C12orf76: variants seen among roughly 807,000 people sequenced by gnomAD.
C12orf76 encodes chromosome 12 open reading frame 76.
Under a neutral mutation model 6.8 loss-of-function variants are expected in C12orf76, and 6 were observed. The observed-to-expected ratio is 0.88, with a 90% confidence interval of 0.48 to 1.73. C12orf76 has a LOEUF of 1.73. Among genes scored for constraint, C12orf76 ranks in the 40% most tolerant of loss-of-function variants. The pLI is 0.01. For synonymous variants in C12orf76, 56 were observed against 43.7 expected (o/e 1.28, Z -1.11); for missense variants, 99 against 98.2 (o/e 1.01, Z -0.03).
In C12orf76 at chr12:110,041,724, C is replaced by T. The variant is rs1271558899; in HGVS notation, c.*650G>A. 1.3e-5 allele frequency: 2 copies of T among 152,946 alleles called. No individual in the cohort carries two copies. Among genetic ancestry groups the T allele is most frequent in the Non-Finnish European group, 2.9e-5 (2 of 68,626 alleles). 9.5% of individuals were successfully genotyped at this position (152,946 alleles called of 1,614,324 possible). A position where few individuals can be genotyped will look rare whatever the true frequency, so the allele number is the denominator to read the frequency against. ...GGGGTCCTTTTTGTAACAGGCCAAC[C>T]TAGTAACATTTCCAGTCCAACTTCA... On this transcript the variant is annotated 3_prime_UTR_variant, in exon 2 of 2. Coordinates refer to ENST00000615315, the MANE Select transcript of C12orf76 (RefSeq NM_001389625.1).
intron 2 of C12orf76, among the ~76,000 whole-genome samples, chr12:110,064,470 C>CA (rs1892826424): frequency 6.6e-6 from 1 of 152,206 alleles, no homozygotes; most frequent in African/African-American, 2.4e-5. Flanking sequence ...ATACATGTCA[C>CA]ATGCTAAGAA....
chr12:110,043,029 G>A (rs527574577), intron 1 of C12orf76, among the ~76,000 whole-genome samples: 8 of 151,870 alleles, frequency 5.3e-5, no homozygotes, highest in South Asian at 2.1e-4. Flanking sequence ...ACAGTGAGCC[G>A]AGATTGCGCC....
intron 2 of C12orf76, among the ~76,000 whole-genome samples, chr12:110,059,565 A>G (rs1892734323): frequency 6.6e-6 from 1 of 152,244 alleles, no homozygotes; most frequent in Non-Finnish European, 1.5e-5. Context: ...TAAGGCATTA[A>G]GTCTATACAG....
chr12:110,070,647 G>C (rs1402626830), upstream of C12orf76, among the ~76,000 whole-genome samples: 1 of 152,184 alleles, frequency 6.6e-6, no homozygotes, highest in Non-Finnish European at 1.5e-5. Context: ...CTGCTACATG[G>C]AATTATGACA....
chr12:110,056,072 C>CA (rs112482731), intron 4 of C12orf76, among the ~76,000 whole-genome samples: 4,395 of 81,314 alleles, frequency 0.054, 125 homozygotes, highest in African/African-American at 0.13. Context: ...GACTCTATCT[C>CA]AAAAAAAAAA....
intron 2 of C12orf76, among the ~76,000 whole-genome samples, chr12:110,065,095 C>T (rs915656831): frequency 1.3e-5 from 2 of 151,388 alleles, no homozygotes; most frequent in African/African-American, 4.9e-5. Context: ...GCCTGAGATC[C>T]TTTATTTATT....
At chr12:110,071,614 G>A (rs1397878142), upstream of C12orf76, among the ~76,000 whole-genome samples, 1 of 151,888 alleles carries the variant, frequency 6.6e-6, no homozygotes, top group African/African-American at 2.4e-5. Flanking sequence ...TATAAAATAA[G>A]TTGCCTTGAC....
At chr12:110,073,337 G>A in intron 1 of C12orf76, 1 of 474,532 alleles carries the variant, frequency 2.1e-6, no homozygotes, top group Middle Eastern at 3.3e-4. Context: ...GTGAGATTCA[G>A]AATGTGCACC....
chr12:110,054,023 TG>T, upstream of C12orf76, among the ~76,000 whole-genome samples: 1 of 151,904 alleles, frequency 6.6e-6, no homozygotes, highest in Admixed American at 6.6e-5. This position sits in a 1 kb window ranked among gnomAD's most constrained non-coding sequence, Gnocchi z 4.4. Flanking sequence ...TATGGTAAGC[TG>T]TGATTGCACC....
In C12orf76 at chr12:110,042,461, T is replaced by A; in HGVS notation, c.134-2A>T. On this transcript the variant is annotated splice_acceptor_variant, in intron 1 of 1. Transcript: ENST00000615315. LOFTEE classifies it high-confidence loss of function. ...TGCTGAAAATGGTTCCCATCAACAC[T>A]GCAAAGGGAAAACAGGTTACTTCCT... 6.2e-7 allele frequency: 1 copy of A among 1,603,216 alleles called. No individual in the cohort carries two copies. The highest frequency in any genetic ancestry group is 8.5e-7 in the Non-Finnish European group (1 of 1,170,032).
chr12:110,058,314 A>G (rs1892709621), intron 3 of C12orf76, among the ~76,000 whole-genome samples: 1 of 152,190 alleles, frequency 6.6e-6, no homozygotes, highest in Non-Finnish European at 1.5e-5. Context: ...AGATAGATCT[A>G]TGATACACAA....
chr12:110,065,395 T>C (rs1357076634), intron 2 of C12orf76, among the ~76,000 whole-genome samples: 1 of 152,112 alleles, frequency 6.6e-6, no homozygotes, highest in Non-Finnish European at 1.5e-5. Context: ...GGTCTCGAAC[T>C]CTTGACCTCA....
chr12:110,051,209 A>G (rs776213226), upstream of C12orf76: 2 of 774,478 alleles, frequency 2.6e-6, no homozygotes, highest in Non-Finnish European at 4.8e-6. Context: ...GGCATAGCAC[A>G]GTGGGGTGGG....
chr12:110,052,356 G>A (rs1328074605), upstream of C12orf76, among the ~76,000 whole-genome samples: 1 of 151,988 alleles, frequency 6.6e-6, no homozygotes, highest in Non-Finnish European at 1.5e-5. Flanking sequence ...CACCACGCCT[G>A]GCTAATTTCT....
chr12:110,060,414 ACGT>A (rs1352755244), intron 2 of C12orf76, among the ~76,000 whole-genome samples: 2 of 152,086 alleles, frequency 1.3e-5, no homozygotes, highest in African/African-American at 4.8e-5. Flanking sequence ...GTAAACAACA[ACGT>A]CATTGTCACT....
In C12orf76 at chr12:110,041,933, C is replaced by T. The variant is rs1892323445; in HGVS notation, c.*441G>A. 1 of 162,492 alleles carries T rather than the reference C, an allele frequency of 6.2e-6. No homozygotes were observed. Among genetic ancestry groups the T allele is most frequent in the Non-Finnish European group, 1.4e-5 (1 of 73,682 alleles). The allele number at this position is 162,492 out of a possible 1,614,324, so 10.1% of individuals were successfully genotyped here. On this transcript the variant is annotated 3_prime_UTR_variant, in exon 2 of 2. Transcript: ENST00000615315. ...CTCAGGTGAGATTAAAAAAAAAAAT[C>T]TGTGATTCTTAACCCACTGTAACCA...
At chr12:110,068,737 G>A (rs1892924454), upstream of C12orf76, among the ~76,000 whole-genome samples, 1 of 152,126 alleles carries the variant, frequency 6.6e-6, no homozygotes. Context: ...TCCTTATTCT[G>A]GCTCTTTATC....
At chr12:110,068,237 G>GAAGAAGAAGA (rs1347047590), upstream of C12orf76, among the ~76,000 whole-genome samples, 8 of 137,904 alleles carry the variant, frequency 5.8e-5, no homozygotes, top group African/African-American at 1.7e-4. Flanking sequence ...GAGAAGAGAA[G>GAAGAAGAAGA]AAGAAGAAGA....
intron 2 of C12orf76, among the ~76,000 whole-genome samples, chr12:110,062,218 C>T (rs992961142): frequency 2.0e-5 from 3 of 152,102 alleles, no homozygotes; most frequent in Non-Finnish European, 4.4e-5. Flanking sequence ...GAGCCAAGAT[C>T]GTGCCACTCC....
Sources: gnomAD v4.1 joint callset for allele counts (sites outside exome capture counted in the v4.1 genomes callset) on GRCh38, gnomAD v4.1.1 for gene constraint, Gnocchi (gnomAD v3.1) non-coding constraint, MANE v1.5 for transcripts, NCBI Gene and HGNC (gene_info 2026-07-23, HGNC 2026-07-21) for gene names.